SPIRE2: variants seen among roughly 807,000 people sequenced by gnomAD.
SPIRE2 encodes spire type actin nucleation factor 2.
Under a neutral mutation model 80.7 loss-of-function variants are expected in SPIRE2, and 76 were observed. The ratio of observed to expected loss-of-function variants is 0.94; its 90% confidence interval spans 0.78 to 1.14. The LOEUF (loss-of-function observed/expected upper bound fraction) is 1.14, where lower values mean the gene tolerates loss of function less well. Ranked by LOEUF, SPIRE2 falls within the 50% of genes most tolerant of loss-of-function variation. The pLI is 0.00. For synonymous variants in SPIRE2, 535 were observed against 432.6 expected, an observed-to-expected ratio of 1.24 and a Z score of -2.94; for missense variants, 1,196 against 1,015.3, an observed-to-expected ratio of 1.18 and a Z score of -2.42.
intron 1 of SPIRE2, among the ~76,000 whole-genome samples, chr16:89,839,291 A>G (rs1033994010): frequency 2.0e-5 from 3 of 151,368 alleles, no homozygotes; most frequent in African/African-American, 4.9e-5. Flanking sequence ...GGAGAATGGC[A>G]TGAACCCAGG....
chr16:89,843,219 C>T (rs1242635303), intron 1 of SPIRE2, among the ~76,000 whole-genome samples: 2 of 152,196 alleles, frequency 1.3e-5, no homozygotes, highest in African/African-American at 4.8e-5. Context: ...CCTGGCCCCA[C>T]TCCTGGCACT....
At chr16:89,834,025 C>G (rs1181402552) in intron 1 of SPIRE2, among the ~76,000 whole-genome samples, 1 of 152,324 alleles carries the variant, frequency 6.6e-6, no homozygotes, top group Admixed American at 6.5e-5. Flanking sequence ...AGGGTTACCT[C>G]ACAGGAAGGC....
At chr16:89,839,164 A>AC (rs1344642492) in intron 1 of SPIRE2, among the ~76,000 whole-genome samples, 2 of 151,256 alleles carry the variant, frequency 1.3e-5, no homozygotes, top group Non-Finnish European at 3.0e-5. Flanking sequence ...ACATGGTGAA[A>AC]CCCCATCTCT....
At chr16:89,859,143 G>C in intron 8 of SPIRE2, 22 bp from the exon 9 acceptor site, 1 of 1,527,596 alleles carries the variant, frequency 6.5e-7, no homozygotes, top group Non-Finnish European at 8.9e-7. Flanking sequence ...TCAGGGCAGG[G>C]CCGCGTCTGG....
intron 10 of SPIRE2, 130 bp downstream of exon 10, chr16:89,860,925 G>A (rs768218285): frequency 1.2e-4 from 71 of 572,336 alleles, no homozygotes; most frequent in African/African-American, 1.9e-4. Context: ...GCGTCCGTCT[G>A]GGGGGGCGCG....
At chr16:89,854,417 A>C in intron 4 of SPIRE2, 51 bp downstream of exon 4, 1 of 1,611,154 alleles carries the variant, frequency 6.2e-7, no homozygotes, top group South Asian at 1.1e-5. Context: ...CAGCCTGCCA[A>C]GGGTCTCTGC....
chr16:89,843,685 G>GT (rs2041526912), intron 1 of SPIRE2, among the ~76,000 whole-genome samples: 2 of 21,300 alleles, frequency 9.4e-5, no homozygotes, highest in Admixed American at 7.0e-4. Context: ...TTTTTTGTTT[G>GT]TTTTTGTTTT....
chr16:89,837,455 G>T (rs1472893376), intron 1 of SPIRE2, among the ~76,000 whole-genome samples: 1 of 152,212 alleles, frequency 6.6e-6, no homozygotes, highest in Non-Finnish European at 1.5e-5. Flanking sequence ...TGTGACAGGG[G>T]TGCTTCTTAG....
At chr16:89,833,917 G>A (rs1481573960) in intron 1 of SPIRE2, among the ~76,000 whole-genome samples, 1 of 152,174 alleles carries the variant, frequency 6.6e-6, no homozygotes, top group South Asian at 2.1e-4. Context: ...AAGGAGGCTG[G>A]CCGCTGTGTG....
Position 89,863,488 on chromosome 16 carries a change from C to A in SPIRE2, c.1588C>A (p.Pro530Thr). The change falls in exon 11 of 15, where the codon CCC (proline) becomes ACC (threonine). Residue 530 changes from proline to threonine, a missense_variant. Transcript: ENST00000378247. This position sits in a 1 kb window ranked among gnomAD's most constrained non-coding sequence, Gnocchi z 4.3. ...AKHLWLEFSHPVESLALTVEE... is the reference protein window; with the variant it reads ...AKHLWLEFSHTVESLALTVEE... ...GGCCGTCCCCTAGGAGTTCAGCCAC[C>A]CCGTGGAGAGCCTGGCGCTGACTGT... 6.2e-7 allele frequency: 1 copy of A among 1,614,014 alleles called. No homozygotes were observed. Among genetic ancestry groups the A allele is most frequent in the Non-Finnish European group, 8.5e-7 (1 of 1,180,026 alleles).
At chr16:89,835,537 T>C (rs548820274) in intron 1 of SPIRE2, among the ~76,000 whole-genome samples, 5 of 152,296 alleles carry the variant, frequency 3.3e-5, no homozygotes, top group Non-Finnish European at 7.3e-5. Context: ...CCACAGCCTG[T>C]AGGGACTGGT....
chr16:89,861,015 A>C (rs2041739584), intron 10 of SPIRE2, among the ~76,000 whole-genome samples: 1 of 151,954 alleles, frequency 6.6e-6, no homozygotes. Flanking sequence ...GCCGAACCGC[A>C]CTGCACTGCG....
rs759260212 is a variant in SPIRE2 at position 89,856,217 on chromosome 16, C to G, written c.1083C>G (p.Gly361=). 1 of 1,586,180 alleles carries G rather than the reference C, an allele frequency of 6.3e-7. No individual in the cohort carries two copies. The highest frequency in any genetic ancestry group is 8.6e-7 in the Non-Finnish European group (1 of 1,167,588). The change falls in exon 7 of 15, where the codon GGC becomes GGG. Residue 361 remains glycine, a synonymous_variant. Coordinates refer to ENST00000378247, the MANE Select transcript of SPIRE2 (RefSeq NM_032451.2). ...KQERRLRPVR[G]EGWAARGFGS... is the part of the protein sequence containing the mutation. Reference sequence around the variant, plus strand: ...AGCGGAGGCTGCGCCCGGTGCGGGGCGAGGGCTGGGCTGCCCGCGGTGAGT... The same window carrying G: ...AGCGGAGGCTGCGCCCGGTGCGGGGGGAGGGCTGGGCTGCCCGCGGTGAGT...
chr16:89,830,604 T>C (rs1598213745), intron 1 of SPIRE2, among the ~76,000 whole-genome samples: 1 of 151,088 alleles, frequency 6.6e-6, no homozygotes, highest in South Asian at 2.1e-4. Context: ...TAGATATCAA[T>C]AGGAAAACAT....
At chr16:89,842,993 T>A (rs12599531) in intron 1 of SPIRE2, among the ~76,000 whole-genome samples, 16 of 152,154 alleles carry the variant, frequency 1.1e-4, no homozygotes, top group Admixed American at 6.6e-4. Flanking sequence ...ACTGAGCAGA[T>A]GATTTCATGG....
intron 1 of SPIRE2, 23 bp from the exon 2 acceptor site, chr16:89,845,299 C>T (rs200461238): frequency 1.2e-6 from 2 of 1,613,078 alleles, no homozygotes; most frequent in South Asian, 2.2e-5. Context: ...TGACAAATAA[C>T]TTAACTCCCT....
At chr16:89,829,429 A>T (rs956795386) in intron 1 of SPIRE2, among the ~76,000 whole-genome samples, 1 of 152,234 alleles carries the variant, frequency 6.6e-6, no homozygotes, top group Non-Finnish European at 1.5e-5. Context: ...CTTTACGAAA[A>T]AAACCGAAAG....
At chr16:89,869,534 G>A (rs1489703188) in intron 13 of SPIRE2, 33 bp from the exon 14 acceptor site, 3 of 1,453,396 alleles carry the variant, frequency 2.1e-6, no homozygotes, top group Non-Finnish European at 1.9e-6. Flanking sequence ...CTCTGGTGGT[G>A]CCTGGTTCAT....
At position 89,858,374 on chromosome 16, in the gene SPIRE2, C is replaced by T; in HGVS notation, c.1139C>T (p.Ser380Phe). 3 of 1,611,488 alleles carry T rather than the reference C, an allele frequency of 1.9e-6. No individual in the cohort carries two copies. Among genetic ancestry groups the T allele is most frequent in the Non-Finnish European group, 2.5e-6 (3 of 1,179,290 alleles). ...GSLPCILNACSGDAKSTSCIN... is the reference protein window; with the variant it reads ...GSLPCILNACFGDAKSTSCIN... Reference sequence around the variant, plus strand: ...CTGCCCTGCATCCTCAACGCCTGCTCCGGAGATGCCAAGTCCACCTCCTGC... The same window carrying T: ...CTGCCCTGCATCCTCAACGCCTGCTTCGGAGATGCCAAGTCCACCTCCTGC... Residue 380 changes from serine to phenylalanine, a missense_variant, in exon 8 of 15, where the codon TCC (serine) becomes TTC (phenylalanine). Physicochemically the swap from Ser to Phe is radical, Grantham distance 155. Transcript: ENST00000378247.
Sources: gnomAD v4.1 joint callset for allele counts (sites outside exome capture counted in the v4.1 genomes callset) on GRCh38, gnomAD v4.1.1 for gene constraint, Gnocchi (gnomAD v3.1) non-coding constraint, MANE v1.5 for transcripts, NCBI Gene and HGNC (gene_info 2026-07-23, HGNC 2026-07-21) for gene names.